BLK: variants seen among roughly 807,000 people sequenced by gnomAD.
BLK encodes the protein BLK proto-oncogene, Src family tyrosine kinase.
A neutral mutation model predicts 61.8 loss-of-function variants in BLK; 64 were observed. The observed-to-expected ratio is 1.03, with a 90% CI of 0.85 to 1.27. BLK has a LOEUF of 1.27. Ranked by LOEUF, BLK falls within the 50% of genes most tolerant of loss-of-function variation. The pLI is 0.00. For synonymous variants in BLK, 351 were observed against 272.0 expected, an observed-to-expected ratio of 1.29 and a Z score of -2.86; for missense variants, 853 against 660.5, an observed-to-expected ratio of 1.29 and a Z score of -3.19.
At chr8:11,523,933 TA>T (rs1799550854) in intron 1 of BLK, among the ~76,000 whole-genome samples, 2 of 152,132 alleles carry the variant, frequency 1.3e-5, no homozygotes, top group African/African-American at 4.8e-5. Flanking sequence ...GTCTTACCTT[TA>T]TAAACATTAA....
At chr8:11,505,607 C>T (rs911978320) in intron 1 of BLK, among the ~76,000 whole-genome samples, 1 of 152,224 alleles carries the variant, frequency 6.6e-6, no homozygotes, top group African/African-American at 2.4e-5. Context: ...ATCCTTGGAG[C>T]TCATTTCTCT....
chr8:11,518,964 A>G (rs1404537862), intron 1 of BLK, among the ~76,000 whole-genome samples: 1 of 151,942 alleles, frequency 6.6e-6, no homozygotes, highest in African/African-American at 2.4e-5. Context: ...CTCTTATCTA[A>G]ATACCCCTGG....
chr8:11,508,913 G>C (rs1223320089), intron 1 of BLK, among the ~76,000 whole-genome samples: 1 of 152,206 alleles, frequency 6.6e-6, no homozygotes, highest in African/African-American at 2.4e-5. Flanking sequence ...TCCACTGAGA[G>C]CTTTGGGAAG....
intron 6 of BLK, among the ~76,000 whole-genome samples, chr8:11,552,165 G>C (rs1046526081): frequency 1.2e-4 from 18 of 152,324 alleles, no homozygotes; most frequent in African/African-American, 4.1e-4. Context: ...CTGTCCATTG[G>C]TTCCATCTGT....
intron 1 of BLK, among the ~76,000 whole-genome samples, chr8:11,536,791 G>A (rs560695988): frequency 6.6e-6 from 1 of 152,304 alleles, no homozygotes; most frequent in Admixed American, 6.5e-5. Flanking sequence ...TCCTTCTCAG[G>A]TCTGGCTAGC....
chr8:11,507,158 C>G (rs778490708), intron 1 of BLK, among the ~76,000 whole-genome samples: 1 of 152,226 alleles, frequency 6.6e-6, no homozygotes, highest in African/African-American at 2.4e-5. Flanking sequence ...TGTGATTTTA[C>G]AAGGCCAGGA....
chr8:11,537,728 T>C (rs545111347), intron 1 of BLK, among the ~76,000 whole-genome samples: 1 of 152,278 alleles, frequency 6.6e-6, no homozygotes, highest in Admixed American at 6.5e-5. Context: ...AAGGCTAACA[T>C]GTATTAGAAA....
chr8:11,549,171 C>A, intron 5 of BLK, 49 bp downstream of exon 5: 1 of 1,514,252 alleles, frequency 6.6e-7, no homozygotes, highest in Non-Finnish European at 9.0e-7. Context: ...GTCACTGTTT[C>A]TGCTCCCTGG....
chr8:11,508,783 T>C (rs762916020), intron 1 of BLK, among the ~76,000 whole-genome samples: 28 of 152,154 alleles, frequency 1.8e-4, no homozygotes, highest in Non-Finnish European at 3.1e-4. Flanking sequence ...CAAACGCAAC[T>C]GTGATGGGGG....
At chr8:11,518,086 G>A (rs1272697061) in intron 1 of BLK, among the ~76,000 whole-genome samples, 1 of 152,160 alleles carries the variant, frequency 6.6e-6, no homozygotes, top group Non-Finnish European at 1.5e-5. Flanking sequence ...GCTGGGAGGG[G>A]CGAGAGAGTG....
At chr8:11,504,390 A>AGAAAG in intron 1 of BLK, among the ~76,000 whole-genome samples, 1 of 82,250 alleles carries the variant, frequency 1.2e-5, no homozygotes, top group Admixed American at 2.1e-4. Context: ...AGAAAAGAAA[A>AGAAAG]GAAAAGAAAA....
rs144382796 is a variant in BLK, at chr8:11,494,786, T to G, written c.-2+195T>G. Among the ~76,000 whole-genome samples the G allele has an allele frequency of 7.9e-5, 12 of 152,326 alleles. 1 individual carries two copies. The highest frequency in any genetic ancestry group is 2.9e-4 in the African/African-American group (12 of 41,572). ...TTTGTGCATTTCCAGTTTTGAGAAT[T>G]TTTAATTTATAAAAGGTCATCCATC... is the stretch of plus-strand genomic sequence containing the variant. On this transcript the variant is annotated intron_variant, in intron 1 of 12. Coordinates refer to ENST00000259089, the MANE Select transcript of BLK (RefSeq NM_001715.3).
chr8:11,529,127 T>A (rs1282809644), intron 1 of BLK, among the ~76,000 whole-genome samples: 1 of 152,092 alleles, frequency 6.6e-6, no homozygotes, highest in Non-Finnish European at 1.5e-5. Context: ...ATAATAATAA[T>A]TAGCCCTAAT....
chr8:11,522,572 T>C (rs1025578553), intron 1 of BLK, among the ~76,000 whole-genome samples: 110 of 152,228 alleles, frequency 7.2e-4, no homozygotes, highest in African/African-American at 2.6e-3. Context: ...ACAGGGAATG[T>C]ATGAGGTTGC....
chr8:11,500,795 G>A (rs1325874209), intron 1 of BLK, among the ~76,000 whole-genome samples: 1 of 152,222 alleles, frequency 6.6e-6, no homozygotes, highest in Non-Finnish European at 1.5e-5. Flanking sequence ...TTACAGGCAT[G>A]AGTGACCATG....
intron 3 of BLK, among the ~76,000 whole-genome samples, chr8:11,546,683 C>T (rs1243290885): frequency 6.6e-6 from 1 of 152,222 alleles, no homozygotes; most frequent in South Asian, 2.1e-4. Flanking sequence ...TCAAGAGATT[C>T]TCCTGCCTCA....
At chr8:11,539,373 T>G (rs934471391) in intron 1 of BLK, among the ~76,000 whole-genome samples, 1 of 152,208 alleles carries the variant, frequency 6.6e-6, no homozygotes, top group Non-Finnish European at 1.5e-5. Flanking sequence ...GTATGAGAGA[T>G]TTATAGAGTG....
rs748069424 is a variant in BLK at position 11,557,994 on chromosome 8, G to A, written c.985G>A (p.Gly329Arg). The change falls in exon 10 of 13, where the codon GGG becomes AGG. Residue 329 changes from glycine to arginine, a missense_variant. Physicochemically the swap from Gly to Arg is moderately radical, Grantham distance 125. Transcript: ENST00000259089. ...CLLDFLKTDE[G>R]SRLSLPRLID... Reference sequence around the variant, plus strand: ...GCTGGATTTCCTGAAGACAGATGAAGGGAGCAGATTGTCACTCCCAAGGCT... The same window carrying A: ...GCTGGATTTCCTGAAGACAGATGAAAGGAGCAGATTGTCACTCCCAAGGCT... The A allele has an allele frequency of 6.2e-7, 1 of 1,614,104 alleles. No homozygotes were observed. Among genetic ancestry groups the A allele is most frequent in the Non-Finnish European group, 8.5e-7 (1 of 1,179,968 alleles).
chr8:11,503,634 A>G (rs1020787153), intron 1 of BLK, among the ~76,000 whole-genome samples: 3 of 152,092 alleles, frequency 2.0e-5, no homozygotes, highest in African/African-American at 7.2e-5. Context: ...TGTCTGAAGT[A>G]AGCAAGGGTG....
Sources: gnomAD v4.1 joint callset for allele counts (sites outside exome capture counted in the v4.1 genomes callset) on GRCh38, gnomAD v4.1.1 for gene constraint, MANE v1.5 for transcripts, NCBI Gene and HGNC (gene_info 2026-07-23, HGNC 2026-07-21) for gene names.